The following ZNF385D variants were observed in gnomAD, a reference collection of about 807,000 sequenced individuals.
The protein encoded by ZNF385D is zinc finger protein 659.
ZNF385D carries 15 observed loss-of-function variants against 35.8 expected under a neutral mutation model. The observed-to-expected ratio is 0.42, with a 90% CI of 0.28 to 0.64. ZNF385D has a LOEUF of 0.64. Ranked by LOEUF, ZNF385D falls within the 30% of genes least tolerant of loss-of-function variation. The pLI, the probability that ZNF385D is intolerant of heterozygous loss-of-function variation, is 0.23. For missense variants in ZNF385D, 474 were observed against 494.6 expected (o/e 0.96, Z 0.39); for synonymous variants, 212 against 186.8 (o/e 1.13, Z -1.10).
chr3:22,004,392 C>T (rs920190091), intron 3 of ZNF385D, among the ~76,000 whole-genome samples: 1 of 152,146 alleles, frequency 6.6e-6, no homozygotes, highest in Admixed American at 6.5e-5. Context: ...ATGGCCTAGA[C>T]TTCAAAAGCA....
intron 3 of ZNF385D, among the ~76,000 whole-genome samples, chr3:22,156,637 C>T (rs1388147422): frequency 6.6e-6 from 1 of 152,098 alleles, no homozygotes; most frequent in Non-Finnish European, 1.5e-5. Context: ...TCATGAAATG[C>T]CTCCATAGCA....
chr3:22,172,099 C>A (rs958609310), intron 2 of ZNF385D, among the ~76,000 whole-genome samples: 4 of 151,998 alleles, frequency 2.6e-5, no homozygotes, highest in South Asian at 2.1e-4. Flanking sequence ...GTCTTGGAAC[C>A]CAAAATAATT....
intron 2 of ZNF385D, among the ~76,000 whole-genome samples, chr3:22,278,255 C>T (rs1319408038): frequency 5.9e-5 from 9 of 152,062 alleles, no homozygotes; most frequent in Non-Finnish European, 1.2e-4. Flanking sequence ...TCAAAAAGTA[C>T]AGTCACAATG....
chr3:21,844,379 T>C (rs1178417531), intron 3 of ZNF385D, among the ~76,000 whole-genome samples: 2 of 139,946 alleles, frequency 1.4e-5, no homozygotes, highest in Admixed American at 6.9e-5. Context: ...TTAGACATTA[T>C]AGATGGTGCT....
intron 2 of ZNF385D, among the ~76,000 whole-genome samples, chr3:22,341,874 G>A (rs932277609): frequency 2.0e-5 from 3 of 152,168 alleles, no homozygotes; most frequent in African/African-American, 7.2e-5. Context: ...CAGGCACATA[G>A]TAGGTGCTCA....
At chr3:21,703,175 G>T (rs1478410856) in intron 1 of ZNF385D, among the ~76,000 whole-genome samples, 1 of 152,148 alleles carries the variant, frequency 6.6e-6, no homozygotes, top group African/African-American at 2.4e-5. Context: ...ACATGGCTGG[G>T]GAGGCCTCAG....
At chr3:21,943,475 A>G (rs1701632927) in intron 3 of ZNF385D, among the ~76,000 whole-genome samples, 1 of 151,940 alleles carries the variant, frequency 6.6e-6, no homozygotes, top group African/African-American at 2.4e-5. Flanking sequence ...AAAAAATGAT[A>G]TATCTACTAA....
At chr3:22,256,162 C>CAT (rs1051594854) in intron 2 of ZNF385D, among the ~76,000 whole-genome samples, 4 of 150,588 alleles carry the variant, frequency 2.7e-5, no homozygotes, top group African/African-American at 7.3e-5. Flanking sequence ...TGTTCGTCAG[C>CAT]ATATATATAC....
At chr3:22,194,940 C>T (rs1223520928) in intron 2 of ZNF385D, among the ~76,000 whole-genome samples, 1 of 151,832 alleles carries the variant, frequency 6.6e-6, no homozygotes, top group Non-Finnish European at 1.5e-5. Context: ...AATTATAAAT[C>T]CCTCATACAG....
chr3:22,026,714 T>C (rs947955024), intron 3 of ZNF385D, among the ~76,000 whole-genome samples: 6 of 152,140 alleles, frequency 3.9e-5, no homozygotes, highest in African/African-American at 1.4e-4. Flanking sequence ...AAAGGCCAAA[T>C]GGAAGCCATT....
intron 3 of ZNF385D, among the ~76,000 whole-genome samples, chr3:21,904,085 A>C (rs559063084): frequency 1.2e-4 from 18 of 152,074 alleles, no homozygotes; most frequent in Admixed American, 5.9e-4. Flanking sequence ...CAGGCAGATC[A>C]TGAGGTCAGG....
chr3:22,092,322 C>T (rs1701374880), intron 3 of ZNF385D, among the ~76,000 whole-genome samples: 2 of 152,148 alleles, frequency 1.3e-5, no homozygotes, highest in African/African-American at 2.4e-5. Context: ...TGCTTCTTGA[C>T]GTTGGCTCCT....
intron 2 of ZNF385D, among the ~76,000 whole-genome samples, chr3:22,170,950 T>C (rs1694375138): frequency 6.6e-6 from 1 of 152,092 alleles, no homozygotes; most frequent in Admixed American, 6.6e-5. Context: ...AAACCAAAAA[T>C]AAGATGTAAA....
chr3:22,217,808 G>T (rs1335512606), intron 2 of ZNF385D, among the ~76,000 whole-genome samples: 1 of 152,020 alleles, frequency 6.6e-6, no homozygotes, highest in East Asian at 1.9e-4. Flanking sequence ...GAGATGGGAG[G>T]ATTTCTAATG....
chr3:21,970,408 A>G (rs908589384), intron 3 of ZNF385D, among the ~76,000 whole-genome samples: 2 of 152,188 alleles, frequency 1.3e-5, no homozygotes, highest in Non-Finnish European at 2.9e-5. Context: ...CAGTTGACAT[A>G]CTGTAAAATG....
intron 3 of ZNF385D, among the ~76,000 whole-genome samples, chr3:22,108,782 A>G (rs962660290): frequency 1.3e-5 from 2 of 152,068 alleles, no homozygotes; most frequent in African/African-American, 4.8e-5. Flanking sequence ...GGAGGCTGAG[A>G]TGGGTGGATC....
At chr3:21,972,918 C>T (rs992721799) in intron 3 of ZNF385D, among the ~76,000 whole-genome samples, 1 of 151,866 alleles carries the variant, frequency 6.6e-6, no homozygotes, top group Non-Finnish European at 1.5e-5. Flanking sequence ...GTGATCGAAG[C>T]CATAATAAGA....
chr3:21,894,853 A>G (rs932984037), intron 3 of ZNF385D, among the ~76,000 whole-genome samples: 1 of 152,156 alleles, frequency 6.6e-6, no homozygotes, highest in South Asian at 2.1e-4. Flanking sequence ...ACACAATGCC[A>G]GACACCATGC....
intron 3 of ZNF385D, among the ~76,000 whole-genome samples, chr3:21,947,645 C>G (rs773045916): frequency 6.6e-6 from 1 of 152,052 alleles, no homozygotes; most frequent in African/African-American, 2.4e-5. Context: ...CCACCGCGCC[C>G]GGCTATAAGT....
Sources: allele counts gnomAD v4.1 joint callset (sites outside exome capture counted in the v4.1 genomes callset), GRCh38; gene constraint gnomAD v4.1.1; transcripts MANE v1.5; gene names NCBI Gene and HGNC (gene_info 2026-07-23, HGNC 2026-07-21).